RBFOX1: variants seen among roughly 807,000 people sequenced by gnomAD.
RBFOX1 encodes RNA binding fox-1 homolog 1.
Under a neutral mutation model 57.7 loss-of-function variants are expected in RBFOX1, and 8 were observed. That is an observed-to-expected ratio of 0.14 (90% confidence interval 0.08 to 0.25). RBFOX1 has a LOEUF of 0.25. Among genes scored for constraint, RBFOX1 ranks in the 10% least tolerant of loss-of-function variants. RBFOX1 has a pLI of 1.00. For synonymous variants in RBFOX1, 326 were observed against 222.4 expected (o/e 1.47, Z -4.15); for missense variants, 611 against 548.5 (o/e 1.11, Z -1.14).
chr16:5,643,910 C>A (rs1022618032), intron 3 of RBFOX1, among the ~76,000 whole-genome samples: 1 of 152,136 alleles, frequency 6.6e-6, no homozygotes, highest in Non-Finnish European at 1.5e-5. Flanking sequence ...CTTTTCTTTC[C>A]CTCTGTAACA....
intron 1 of RBFOX1, among the ~76,000 whole-genome samples, chr16:5,310,395 T>G (rs1567316039): frequency 6.7e-6 from 1 of 149,824 alleles, no homozygotes; most frequent in African/African-American, 2.5e-5. Flanking sequence ...AGCCAGACTC[T>G]GTCTCAAAAA....
At chr16:5,673,014 C>T (rs1339431710) in intron 3 of RBFOX1, among the ~76,000 whole-genome samples, 4 of 152,028 alleles carry the variant, frequency 2.6e-5, no homozygotes, top group Non-Finnish European at 5.9e-5. Flanking sequence ...GCAGAGAAGC[C>T]TCCACTCTGG....
intron 1 of RBFOX1, among the ~76,000 whole-genome samples, chr16:6,312,026 A>G (rs559111279): frequency 4.8e-4 from 73 of 152,344 alleles, no homozygotes; most frequent in African/African-American, 1.7e-3. Context: ...GTATGCAATC[A>G]TAATCCCTGA....
At chr16:7,185,991 G>T (rs949997006) in intron 4 of RBFOX1, among the ~76,000 whole-genome samples, 1 of 151,968 alleles carries the variant, frequency 6.6e-6, no homozygotes, top group African/African-American at 2.4e-5. Context: ...GTTTATTGGC[G>T]CACTTTAGTA....
At chr16:7,043,826 C>G (rs2046983518) in intron 3 of RBFOX1, among the ~76,000 whole-genome samples, 1 of 152,230 alleles carries the variant, frequency 6.6e-6, no homozygotes, top group African/African-American at 2.4e-5. Context: ...TATTCAATTA[C>G]TGCACTTCCA....
At chr16:5,497,591 A>G (rs140305414) in intron 2 of RBFOX1, among the ~76,000 whole-genome samples, 1 of 147,262 alleles carries the variant, frequency 6.8e-6, no homozygotes, top group African/African-American at 2.6e-5. Context: ...AGCTTGGCCA[A>G]CGCGGTGAAA....
At chr16:5,333,070 C>T (rs926641772) in intron 1 of RBFOX1, among the ~76,000 whole-genome samples, 2 of 152,080 alleles carry the variant, frequency 1.3e-5, no homozygotes, top group African/African-American at 4.8e-5. Context: ...CACCTGTAGT[C>T]CCAGCTACTC....
chr16:6,872,841 G>A (rs1285049895), intron 3 of RBFOX1, among the ~76,000 whole-genome samples: 1 of 152,146 alleles, frequency 6.6e-6, no homozygotes, highest in African/African-American at 2.4e-5. Flanking sequence ...CTTTAAAAGA[G>A]TTAACAGAAT....
At chr16:6,373,241 G>A (rs2090725790) in intron 2 of RBFOX1, among the ~76,000 whole-genome samples, 1 of 151,842 alleles carries the variant, frequency 6.6e-6, no homozygotes, top group African/African-American at 2.4e-5. Flanking sequence ...GGATCACTGG[G>A]TAGGAGGATA....
intron 1 of RBFOX1, among the ~76,000 whole-genome samples, chr16:6,217,134 G>T (rs1459391029): frequency 6.9e-6 from 1 of 145,564 alleles, no homozygotes; most frequent in East Asian, 2.0e-4. Context: ...AGTCACCTCT[G>T]TGTATGAGGG....
chr16:5,509,838 T>C (rs1200520326), intron 2 of RBFOX1, among the ~76,000 whole-genome samples: 1 of 152,124 alleles, frequency 6.6e-6, no homozygotes, highest in African/African-American at 2.4e-5. Context: ...GGTATATAAG[T>C]AAGGGAGTGC....
chr16:7,474,485 C>T (rs1464781422), intron 4 of RBFOX1, among the ~76,000 whole-genome samples: 1 of 152,184 alleles, frequency 6.6e-6, no homozygotes, highest in Non-Finnish European at 1.5e-5. Flanking sequence ...TGAGACTTGG[C>T]AGTGACCCCA....
chr16:6,012,693 G>A (rs530679658), intron 4 of RBFOX1, among the ~76,000 whole-genome samples: 1 of 152,306 alleles, frequency 6.6e-6, no homozygotes, highest in East Asian at 1.9e-4. Flanking sequence ...GAAGCCCGTT[G>A]ATTTAGCAGC....
intron 1 of RBFOX1, among the ~76,000 whole-genome samples, chr16:6,242,522 C>T (rs1407865328): frequency 6.6e-6 from 1 of 151,666 alleles, no homozygotes; most frequent in Admixed American, 6.6e-5. Flanking sequence ...AGCTACAGCG[C>T]CTGGCCTGGT....
At chr16:6,867,763 C>G (rs1224049579) in intron 3 of RBFOX1, among the ~76,000 whole-genome samples, 1 of 152,138 alleles carries the variant, frequency 6.6e-6, no homozygotes, top group East Asian at 1.9e-4. Flanking sequence ...TGTGAATTAC[C>G]CATGGCATCA....
chr16:7,029,059 T>TATATATATATATAC (rs2041889243), intron 3 of RBFOX1, among the ~76,000 whole-genome samples: 8 of 30,242 alleles, frequency 2.6e-4, no homozygotes, highest in African/African-American at 7.3e-4. Context: ...TATATATATA[T>TATATATATATATAC]ATATATATAT....
rs1555551913 is a variant in RBFOX1 at position 6,871,961 on chromosome 16, GTT to G, written c.-15-180094_-15-180093del. On this transcript the variant is annotated intron_variant, in intron 3 of 15. Transcript: ENST00000550418. ...TGTGTGTGTGTGTGTGTGTGTGTGT[GTT>G]TCCCTCGGTAGAGTATGGGGATCTC... Among the ~76,000 whole-genome samples the G allele has an allele frequency of 2.5e-4, 32 of 129,778 alleles. No individual in the cohort carries two copies. The South Asian group carries it at 7.7e-3, about 31-fold the overall frequency. 85.1% of individuals were successfully genotyped at this position (129,778 alleles called of 152,430 possible).
intron 2 of RBFOX1, among the ~76,000 whole-genome samples, chr16:6,428,651 C>G (rs1195303715): frequency 6.6e-6 from 1 of 152,150 alleles, no homozygotes; most frequent in Non-Finnish European, 1.5e-5. Flanking sequence ...TCATCACCAT[C>G]ATTGCTGTTA....
At chr16:5,834,803 TAGATAGATAGATAGATAGAC>T (rs1387192456) in intron 3 of RBFOX1, among the ~76,000 whole-genome samples, 475 of 151,586 alleles carry the variant, frequency 3.1e-3, no homozygotes, top group African/African-American at 0.011. Context: ...GATAGATAGA[TAGATAGATAGATAGATAGAC>T]AGACAGACAG....
Sources: gnomAD v4.1 joint callset for allele counts (sites outside exome capture counted in the v4.1 genomes callset) on GRCh38, gnomAD v4.1.1 for gene constraint, MANE v1.5 for transcripts, NCBI Gene and HGNC (gene_info 2026-07-23, HGNC 2026-07-21) for gene names.